UBE2W: variants seen among roughly 807,000 people sequenced by gnomAD.
UBE2W encodes the protein ubiquitin-conjugating enzyme E2 W.
UBE2W carries 18 observed loss-of-function variants against 27.2 expected under a neutral mutation model. That is an observed-to-expected ratio of 0.66 (90% CI 0.46 to 0.98). The LOEUF (loss-of-function observed/expected upper bound fraction) is 0.98, where lower values mean the gene tolerates loss of function less well. Ranked by LOEUF, UBE2W falls within the 50% of genes least tolerant of loss-of-function variation. The pLI is 0.00. For missense variants in UBE2W, 90 were observed against 180.2 expected (o/e 0.50, Z 2.87); for synonymous variants, 53 against 57.2 (o/e 0.93, Z 0.33).
At chr8:73,784,229 T>G (rs544752661), downstream of UBE2W, among the ~76,000 whole-genome samples, 1 of 152,278 alleles carries the variant, frequency 6.6e-6, no homozygotes, top group African/African-American at 2.4e-5. Context: ...CTCCATGTGT[T>G]GATTTTTCCT....
At chr8:73,803,528 T>A (rs1808734231) in intron 5 of UBE2W, among the ~76,000 whole-genome samples, 1 of 152,110 alleles carries the variant, frequency 6.6e-6, no homozygotes, top group Non-Finnish European at 1.5e-5. Context: ...ATCTACTATT[T>A]TTTTCCCAAA....
intron 1 of UBE2W, among the ~76,000 whole-genome samples, chr8:73,841,947 C>T (rs1810552035): frequency 6.6e-6 from 1 of 152,142 alleles, no homozygotes; most frequent in Admixed American, 6.5e-5. Context: ...TAACCTCAAC[C>T]CACATGGATT....
At chr8:73,864,752 GGGGGGGGGGGC>G (rs1811676205) in intron 1 of UBE2W, among the ~76,000 whole-genome samples, 2 of 94,144 alleles carry the variant, frequency 2.1e-5, no homozygotes, top group South Asian at 3.7e-4. Context: ...AATTTTTTTG[GGGGGGGGGGGC>G]GGGGGGGGCT....
At position 73,788,301 on chromosome 8, in the gene UBE2W, T is replaced by G; in HGVS notation, c.*5801A>C. On this transcript the variant is annotated 3_prime_UTR_variant, in exon 6 of 6. Coordinates refer to ENST00000602593, the MANE Select transcript of UBE2W (RefSeq NM_018299.6). ...GACTTTACATATTTTGCAACTTGAG[T>G]TTATAAAATATATACATCCACCCTA... 3.0e-6 allele frequency: 3 copies of G among 984,258 alleles called. No homozygotes were observed. The highest frequency in any genetic ancestry group is 3.6e-6 in the Non-Finnish European group (3 of 828,870). 61.0% of individuals were successfully genotyped at this position (984,258 alleles called of 1,614,324 possible). A position where few individuals can be genotyped will look rare whatever the true frequency, so the allele number is the denominator to read the frequency against.
intron 1 of UBE2W, among the ~76,000 whole-genome samples, chr8:73,832,723 A>T (rs749762374): frequency 6.6e-6 from 1 of 152,228 alleles, no homozygotes; most frequent in Non-Finnish European, 1.5e-5. Flanking sequence ...AGAATCTGAA[A>T]TGCTCCAATG....
chr8:73,851,193 TC>T (rs1216248911), intron 1 of UBE2W, among the ~76,000 whole-genome samples: 6 of 143,652 alleles, frequency 4.2e-5, no homozygotes, highest in African/African-American at 1.6e-4. Context: ...TGTTTCATTA[TC>T]TTTTTTTTTT....
intron 4 of UBE2W, among the ~76,000 whole-genome samples, chr8:73,809,488 C>T (rs539972639): frequency 6.6e-6 from 1 of 152,258 alleles, no homozygotes; most frequent in Non-Finnish European, 1.5e-5. Context: ...TTATGCTATA[C>T]TAACCCTTAA....
intron 1 of UBE2W, among the ~76,000 whole-genome samples, chr8:73,842,310 C>T (rs1211219189): frequency 1.3e-5 from 2 of 151,666 alleles, no homozygotes; most frequent in South Asian, 2.1e-4. Context: ...GGGTGGATTA[C>T]GAGGTCAGGA....
At chr8:73,867,172 G>C (rs1447331878) in intron 1 of UBE2W, among the ~76,000 whole-genome samples, 1 of 152,066 alleles carries the variant, frequency 6.6e-6, no homozygotes, top group Non-Finnish European at 1.5e-5. Context: ...AGGCTGCAGT[G>C]GGTGGATCAC....
chr8:73,866,318 T>C (rs1454840264), intron 1 of UBE2W, among the ~76,000 whole-genome samples: 19 of 126,006 alleles, frequency 1.5e-4, no homozygotes, highest in Admixed American at 4.2e-4. Context: ...TATATATATA[T>C]ACTCAGCAAT....
intron 1 of UBE2W, among the ~76,000 whole-genome samples, chr8:73,856,963 T>G (rs1232129488): frequency 2.0e-5 from 3 of 152,174 alleles, no homozygotes; most frequent in African/African-American, 7.2e-5. Flanking sequence ...CACCTTGGCC[T>G]CCCAAAGTGC....
chr8:73,824,226 G>C (rs938356215), intron 3 of UBE2W, among the ~76,000 whole-genome samples: 2 of 152,114 alleles, frequency 1.3e-5, no homozygotes, highest in African/African-American at 4.8e-5. Context: ...TCTCTAACCT[G>C]ATTAATCATT....
At chr8:73,805,586 A>C in intron 5 of UBE2W, 65 bp downstream of exon 5, 1 of 966,846 alleles carries the variant, frequency 1.0e-6, no homozygotes, top group Non-Finnish European at 1.5e-6. Context: ...CCCAAGTCTT[A>C]TAGCAAATAT....
intron 5 of UBE2W, among the ~76,000 whole-genome samples, chr8:73,794,854 T>TAAAAAA: frequency 2.3e-5 from 1 of 43,932 alleles, no homozygotes; most frequent in Admixed American, 2.5e-4. Context: ...CTCTGTCTCA[T>TAAAAAA]AAAAAAAAAA....
chr8:73,805,587 T>C (rs1007072234), intron 5 of UBE2W, 64 bp downstream of exon 5: 20 of 981,380 alleles, frequency 2.0e-5, no homozygotes, highest in Admixed American at 1.6e-4. Flanking sequence ...CCAAGTCTTA[T>C]AGCAAATATA....
Position 73,878,826 on chromosome 8 carries a change from G to A in UBE2W, c.-4C>T, listed in dbSNP as rs1474437992. 6.4e-7 allele frequency: 1 copy of A among 1,550,858 alleles called. No individual in the cohort carries two copies. The highest frequency in any genetic ancestry group is 8.7e-7 in the Non-Finnish European group (1 of 1,146,570). On this transcript the variant is annotated 5_prime_UTR_variant, in exon 1 of 6. Transcript: ENST00000602593. ...CTCTCACCTGCATTGACGCCATGAT[G>A]GAACCATCCCCCCAAGACCGGCGAG...
Position 73,791,423 on chromosome 8 carries a change from C to G in UBE2W, c.*2679G>C. On this transcript the variant is annotated 3_prime_UTR_variant, in exon 6 of 6. Coordinates refer to ENST00000602593, the MANE Select transcript of UBE2W (RefSeq NM_018299.6). ...AAAGAAGAAGAGTGTACCTTATCTT[C>G]TAAGTATGAAAGTCTAATTCTGTAG... 1 of 985,054 alleles carries G rather than the reference C, an allele frequency of 1.0e-6. No individual in the cohort carries two copies. The highest frequency in any genetic ancestry group is 1.2e-6 in the Non-Finnish European group (1 of 829,684). The allele number at this position is 985,054 out of a possible 1,614,324, so 61.0% of individuals were successfully genotyped here.
At chr8:73,783,232 T>C (rs1807874218), downstream of UBE2W, among the ~76,000 whole-genome samples, 1 of 152,200 alleles carries the variant, frequency 6.6e-6, no homozygotes, top group Non-Finnish European at 1.5e-5. Flanking sequence ...CTGTTTCAAA[T>C]TTTGATGCGT....
intron 1 of UBE2W, among the ~76,000 whole-genome samples, chr8:73,861,350 G>A (rs991656976): frequency 6.6e-6 from 1 of 152,132 alleles, no homozygotes; most frequent in Non-Finnish European, 1.5e-5. Context: ...ACAAGGACTA[G>A]CAATAATAAT....
Sources: gnomAD v4.1 joint callset for allele counts (sites outside exome capture counted in the v4.1 genomes callset) on GRCh38, gnomAD v4.1.1 for gene constraint, MANE v1.5 for transcripts, NCBI Gene and HGNC (gene_info 2026-07-23, HGNC 2026-07-21) for gene names.